The following KCNK10 variants were observed in gnomAD, a reference collection of about 807,000 sequenced individuals.
The protein encoded by KCNK10 is potassium two pore domain channel subfamily K member 10.
A neutral mutation model predicts 47.7 loss-of-function variants in KCNK10; 25 were observed. That is an observed-to-expected ratio of 0.52 (90% CI 0.38 to 0.73). The LOEUF (loss-of-function observed/expected upper bound fraction) is 0.73. Ranked by LOEUF, KCNK10 falls within the 30% of genes least tolerant of loss-of-function variation. KCNK10 has a pLI of 0.00. For missense variants in KCNK10, 563 were observed against 714.5 expected (o/e 0.79, Z 2.42); for synonymous variants, 303 against 285.6 (o/e 1.06, Z -0.61).
chr14:88,304,366 T>C (rs939988344), intron 1 of KCNK10, among the ~76,000 whole-genome samples: 1 of 152,188 alleles, frequency 6.6e-6, no homozygotes, highest in African/African-American at 2.4e-5. Context: ...TAGAGTCTTA[T>C]TGTAATGAAG....
chr14:88,322,554 G>T lies in KCNK10; in HGVS notation c.52+193C>A, dbSNP rs895439573. On this transcript the variant is annotated intron_variant, in intron 1 of 6. Transcript: ENST00000319231. This position sits in a 1 kb window ranked among gnomAD's most constrained non-coding sequence, Gnocchi z 4.8. ...ATCTAGGAGGGACAATGATTATGTG[G>T]TAATGACAGGCACTATCTGGGTTCG... 2.0e-5 allele frequency among the ~76,000 whole-genome samples: 3 copies of T among 152,164 alleles called. No homozygotes were observed. Among genetic ancestry groups the T allele is most frequent in the Admixed American group, 6.5e-5 (1 of 15,278 alleles).
At chr14:88,277,136 T>C (rs4899946) in intron 1 of KCNK10, among the ~76,000 whole-genome samples, 7,583 of 152,120 alleles carry the variant, frequency 0.05, 354 homozygotes, top group East Asian at 0.2. Context: ...CTCAGCCATC[T>C]CCATTTGTCA....
chr14:88,323,147 C>A lies in KCNK10; in HGVS notation c.-349G>T. The A allele has an allele frequency of 8.8e-7, 1 of 1,142,144 alleles. No individual in the cohort carries two copies. Among genetic ancestry groups the A allele is most frequent in the Non-Finnish European group, 1.1e-6 (1 of 922,630 alleles). The allele number at this position is 1,142,144 out of a possible 1,614,324, so 70.8% of individuals were successfully genotyped here. On this transcript the variant is annotated 5_prime_UTR_variant, in exon 1 of 7. Coordinates refer to ENST00000319231, the MANE Select transcript of KCNK10 (RefSeq NM_138317.3). Reference sequence around the variant, plus strand: ...AAAAGCGGTGCCGGCAGGTTAGGGGCTGCGCAGCCTGAAGGCTGGGGCTAC... The same window carrying A: ...AAAAGCGGTGCCGGCAGGTTAGGGGATGCGCAGCCTGAAGGCTGGGGCTAC...
rs1367847119 is a variant in KCNK10, at chr14:88,184,791, G to A, written c.*744C>T. ...CAGTTGATGTCATGTTTTCACCACT[G>A]CTCGCCAGTTCATGTGGACTACCTA... On this transcript the variant is annotated 3_prime_UTR_variant, in exon 7 of 7. Coordinates refer to ENST00000319231, the MANE Select transcript of KCNK10 (RefSeq NM_138317.3). 6.6e-6 allele frequency: 1 copy of A among 152,346 alleles called. No homozygotes were observed. Among genetic ancestry groups the A allele is most frequent in the Non-Finnish European group, 1.5e-5 (1 of 68,056 alleles). 9.4% of individuals were successfully genotyped at this position (152,346 alleles called of 1,614,324 possible).
At chr14:88,198,892 CTTATTTTATTTTATT>C (rs147609734) in intron 4 of KCNK10, among the ~76,000 whole-genome samples, 12 of 135,286 alleles carry the variant, frequency 8.9e-5, no homozygotes, top group African/African-American at 2.4e-4. Flanking sequence ...TCTCCTTTGT[CTTATTTTATTTTATT>C]TTATTTTATT....
rs532619530 is a variant in KCNK10 at position 88,288,866 on chromosome 14, C to T, written c.53-25315G>A. 3.3e-5 allele frequency among the ~76,000 whole-genome samples: 5 copies of T among 152,278 alleles called. No individual in the cohort carries two copies. The East Asian group carries it at 7.7e-4, about 24-fold the overall frequency. ...TCAGTGCTCAATGCTGCCTCCTCAG[C>T]GAGGACTTCCTTCCTCACCACCCCA... is the stretch of plus-strand genomic sequence containing the variant. On this transcript the variant is annotated intron_variant, in intron 1 of 6. Coordinates refer to ENST00000319231, the MANE Select transcript of KCNK10 (RefSeq NM_138317.3).
chr14:88,307,327 T>TCACACACACACA (rs112756986), intron 1 of KCNK10, among the ~76,000 whole-genome samples: 55 of 148,962 alleles, frequency 3.7e-4, no homozygotes, highest in African/African-American at 8.6e-4. Context: ...AAGAAGCTGA[T>TCACACACACACA]CACACACACA....
chr14:88,240,882 A>C (rs1886441618), intron 2 of KCNK10, 62 bp from the exon 3 acceptor site: 2 of 182,548 alleles, frequency 1.1e-5, no homozygotes, highest in Non-Finnish European at 1.7e-5. Context: ...TTTTTTCTTC[A>C]AAAAAAAAAA....
At position 88,296,672 on chromosome 14, in the gene KCNK10, A is replaced by G. The variant is rs562240281; in HGVS notation, c.52+26075T>C. Among the ~76,000 whole-genome samples the G allele has an allele frequency of 2.0e-5, 3 of 152,290 alleles. No homozygotes were observed. In the South Asian group the frequency reaches 6.2e-4, roughly 32 times the overall value. On this transcript the variant is annotated intron_variant, in intron 1 of 6. Transcript: ENST00000319231. Reference sequence around the variant, plus strand: ...TCGGAAAATGTCTCTCCATTCTGCTATTATTGTCTACATGGCTTGAACCCA... The same window carrying G: ...TCGGAAAATGTCTCTCCATTCTGCTGTTATTGTCTACATGGCTTGAACCCA...
intron 2 of KCNK10, among the ~76,000 whole-genome samples, chr14:88,241,079 G>A (rs533893264): frequency 6.6e-6 from 1 of 152,314 alleles, no homozygotes; most frequent in Non-Finnish European, 1.5e-5. Context: ...AAGCTTGCAG[G>A]CATGGGGTGG....
chr14:88,248,626 G>T (rs560906127), intron 2 of KCNK10, among the ~76,000 whole-genome samples: 3 of 152,190 alleles, frequency 2.0e-5, no homozygotes, highest in African/African-American at 4.8e-5. Flanking sequence ...CCACTCGGGA[G>T]GTTCAGGTGG....
At position 88,322,844 on chromosome 14, in the gene KCNK10, T is replaced by G; in HGVS notation, c.-46A>C. On this transcript the variant is annotated 5_prime_UTR_variant, in exon 1 of 7. Transcript: ENST00000319231. The surrounding 1 kb of genome is among the most constrained non-coding windows in gnomAD (Gnocchi z 4.8). The stretch of plus-strand genomic sequence containing the variant: ...GAAGAAATGAAAAGAACCCAAATAA[T>G]AATAAAGTCCTCAAGCTTTACACGC... The G allele has an allele frequency of 6.2e-7, 1 of 1,613,736 alleles. No individual in the cohort carries two copies. The highest frequency in any genetic ancestry group is 8.5e-7 in the Non-Finnish European group (1 of 1,179,806).
intron 1 of KCNK10, among the ~76,000 whole-genome samples, chr14:88,313,587 C>T (rs1041126513): frequency 1.3e-5 from 2 of 152,132 alleles, no homozygotes; most frequent in Non-Finnish European, 2.9e-5. Flanking sequence ...CCCCAACAAC[C>T]AGCAGCAATT....
intron 4 of KCNK10, among the ~76,000 whole-genome samples, chr14:88,220,147 G>A (rs1885750631): frequency 6.6e-6 from 1 of 152,102 alleles, no homozygotes; most frequent in African/African-American, 2.4e-5. Context: ...GCCGGGCGCG[G>A]TGGCTCACGC....
chr14:88,224,103 A>C (rs1423406973), intron 4 of KCNK10, among the ~76,000 whole-genome samples: 2 of 152,050 alleles, frequency 1.3e-5, no homozygotes, highest in African/African-American at 2.4e-5. Flanking sequence ...ATAATTTGGC[A>C]CCTTTACTTT....
intron 2 of KCNK10, among the ~76,000 whole-genome samples, chr14:88,246,731 G>A (rs1271339545): frequency 1.3e-5 from 2 of 152,176 alleles, no homozygotes; most frequent in Non-Finnish European, 2.9e-5. Flanking sequence ...CATTACTCTT[G>A]CAACAGGGAA....
At chr14:88,259,362 T>C (rs571057055) in intron 2 of KCNK10, among the ~76,000 whole-genome samples, 1 of 152,354 alleles carries the variant, frequency 6.6e-6, no homozygotes, top group Non-Finnish European at 1.5e-5. Context: ...TAAGTCATAG[T>C]AGATGGAGAT....
rs17762320 is a variant in KCNK10, at chr14:88,182,547, G to A, written c.*2988C>T. On this transcript the variant is annotated 3_prime_UTR_variant, in exon 7 of 7. Transcript: ENST00000319231. Reference sequence around the variant, plus strand: ...GCATCTTTGCGAGAGTATTTCATAGGTTTCTAAACACTTTGCACACATATT... The same window carrying A: ...GCATCTTTGCGAGAGTATTTCATAGATTTCTAAACACTTTGCACACATATT... 926 of 152,410 alleles carry A rather than the reference G, an allele frequency of 6.1e-3. 3 individuals carry two copies. Among genetic ancestry groups the A allele is most frequent in the Non-Finnish European group, 8.7e-3 (591 of 68,034 alleles). 9.4% of individuals were successfully genotyped at this position (152,410 alleles called of 1,614,324 possible).
chr14:88,220,148 T>C (rs1490872219), intron 4 of KCNK10, among the ~76,000 whole-genome samples: 1 of 152,088 alleles, frequency 6.6e-6, no homozygotes, highest in Non-Finnish European at 1.5e-5. Context: ...CCGGGCGCGG[T>C]GGCTCACGCC....
Sources: allele counts gnomAD v4.1 joint callset (sites outside exome capture counted in the v4.1 genomes callset), GRCh38; gene constraint gnomAD v4.1.1; non-coding constraint Gnocchi (gnomAD v3.1); transcripts MANE v1.5; gene names NCBI Gene and HGNC (gene_info 2026-07-23, HGNC 2026-07-21).